TPRG1: variants seen among roughly 807,000 people sequenced by gnomAD.
TPRG1 encodes the protein tumor protein p63 regulated 1, also known as tumor protein p63-regulated gene 1 protein.
TPRG1 carries 29 observed loss-of-function variants against 29.3 expected under a neutral mutation model. The observed-to-expected ratio is 0.99, with a 90% confidence interval of 0.74 to 1.35. The LOEUF is 1.35. Among genes scored for constraint, TPRG1 ranks in the 40% most tolerant of loss-of-function variants. TPRG1 has a pLI of 0.00. For synonymous variants in TPRG1, 130 were observed against 116.8 expected (o/e 1.11, Z -0.73); for missense variants, 327 against 335.0 (o/e 0.98, Z 0.19).
intron 5 of TPRG1, among the ~76,000 whole-genome samples, chr3:189,161,483 A>C (rs1288044715): frequency 2.0e-5 from 3 of 150,776 alleles, no homozygotes; most frequent in African/African-American, 7.4e-5. Context: ...TATTATTATT[A>C]TTCTTGTCCA....
intron 4 of TPRG1, among the ~76,000 whole-genome samples, chr3:189,257,209 A>G (rs1712056649): frequency 6.6e-6 from 1 of 152,208 alleles, no homozygotes; most frequent in Non-Finnish European, 1.5e-5. Context: ...AGTGGTGACA[A>G]AATCTCTCAG....
chr3:189,204,952 CACA>C (rs1296847494), intron 1 of TPRG1, among the ~76,000 whole-genome samples: 6 of 138,248 alleles, frequency 4.3e-5, no homozygotes, highest in Non-Finnish European at 9.4e-5. Flanking sequence ...CTCTCTCACA[CACA>C]CACACACACA....
chr3:189,005,044 A>T (rs721820), intron 3 of TPRG1, among the ~76,000 whole-genome samples: 1 of 152,074 alleles, frequency 6.6e-6, no homozygotes, highest in Admixed American at 6.6e-5. Context: ...TATGGGATCT[A>T]AAAATCAAAA....
Position 189,207,575 on chromosome 3 carries a change from G to A in TPRG1, c.191G>A (p.Arg64Gln), listed in dbSNP as rs143701531. The part of the protein sequence containing the change: ...PNPYHQPYIS[R>Q]KYFATRPGAI... The stretch of plus-strand genomic sequence containing the variant: ...CCTTATCATCAGCCTTATATCTCAC[G>A]GAAGTACTTTGCTACACGGGTAAAT... Residue 64 changes from arginine to glutamine, a missense_variant, in exon 2 of 6, where the codon CGG becomes CAG. Physicochemically the swap from Arg to Gln is conservative, Grantham distance 43. Coordinates refer to ENST00000345063, the MANE Select transcript of TPRG1 (RefSeq NM_198485.4). 292 of 1,611,822 alleles carry A rather than the reference G, an allele frequency of 1.8e-4. No homozygotes were observed. The highest frequency in any genetic ancestry group is 8.2e-4 in the Middle Eastern group (5 of 6,074).
chr3:189,196,447 A>T (rs1262969637), intron 1 of TPRG1, among the ~76,000 whole-genome samples: 1 of 152,226 alleles, frequency 6.6e-6, no homozygotes, highest in East Asian at 1.9e-4. Flanking sequence ...TCACAGTTCC[A>T]CATGGCTGGG....
intron 2 of TPRG1, among the ~76,000 whole-genome samples, chr3:189,208,788 T>A (rs934570134): frequency 1.9e-4 from 29 of 152,082 alleles, no homozygotes; most frequent in African/African-American, 7.0e-4. Flanking sequence ...TCTCTTGGAG[T>A]TGTGCTATCT....
At chr3:189,133,759 C>T (rs541187033) in intron 3 of TPRG1, among the ~76,000 whole-genome samples, 4 of 152,212 alleles carry the variant, frequency 2.6e-5, no homozygotes, top group African/African-American at 4.8e-5. Flanking sequence ...CATTCCATCT[C>T]GAGCTAGACA....
intron 4 of TPRG1, among the ~76,000 whole-genome samples, chr3:189,047,947 T>C (rs1453432904): frequency 6.6e-6 from 1 of 152,210 alleles, no homozygotes; most frequent in African/African-American, 2.4e-5. Flanking sequence ...TCCATGAATG[T>C]TGAAATTAAC....
At chr3:189,010,094 T>C (rs1471189825) in intron 3 of TPRG1, among the ~76,000 whole-genome samples, 1 of 152,162 alleles carries the variant, frequency 6.6e-6, no homozygotes, top group Non-Finnish European at 1.5e-5. Context: ...GGCCTTCAGC[T>C]CCATCCATGT....
intron 1 of TPRG1, among the ~76,000 whole-genome samples, chr3:189,172,793 T>G (rs926933048): frequency 5.3e-5 from 8 of 152,182 alleles, no homozygotes; most frequent in African/African-American, 1.9e-4. Context: ...GAGACAGCGA[T>G]GACTACTTGG....
rs535657902 is a variant in TPRG1, at chr3:189,127,523, C to T, written c.-590+313C>T. 8.5e-5 allele frequency among the ~76,000 whole-genome samples: 13 copies of T among 152,328 alleles called. No homozygotes were observed. In the South Asian group the frequency reaches 1.0e-3, roughly 12 times the overall value. On this transcript the variant is annotated intron_variant, in intron 2 of 6. Transcript: ENST00000412373. Reference sequence around the variant, plus strand: ...TCTCAACTTTCAATTTTGAAAGTCACGTTTGCTTTGGAGATACCGTAGGGC... The same window carrying T: ...TCTCAACTTTCAATTTTGAAAGTCATGTTTGCTTTGGAGATACCGTAGGGC...
chr3:189,131,105 T>G (rs1390509201), intron 2 of TPRG1, among the ~76,000 whole-genome samples: 1 of 152,198 alleles, frequency 6.6e-6, no homozygotes, highest in Non-Finnish European at 1.5e-5. Flanking sequence ...GGCAGCATAA[T>G]TAGTAATAAT....
At chr3:189,026,250 G>GGA (rs1302534604) in intron 4 of TPRG1, among the ~76,000 whole-genome samples, 6 of 152,134 alleles carry the variant, frequency 3.9e-5, no homozygotes, top group Admixed American at 1.3e-4. Context: ...TTTTCTCTGT[G>GGA]GAGAGAGAGA....
At chr3:189,236,175 CAT>C (rs1177814877) in intron 3 of TPRG1, among the ~76,000 whole-genome samples, 1 of 152,156 alleles carries the variant, frequency 6.6e-6, no homozygotes, top group Non-Finnish European at 1.5e-5. Flanking sequence ...ATATTCCTGA[CAT>C]GTAAATTATG....
At chr3:189,268,316 G>T (rs1013181294) in intron 4 of TPRG1, among the ~76,000 whole-genome samples, 1 of 152,148 alleles carries the variant, frequency 6.6e-6, no homozygotes, top group Admixed American at 6.5e-5. Context: ...GGTGGCTGAT[G>T]GGGGATTGCT....
chr3:189,116,673 T>G (rs1314300450), intron 1 of TPRG1, among the ~76,000 whole-genome samples: 1 of 152,144 alleles, frequency 6.6e-6, no homozygotes, highest in African/African-American at 2.4e-5. Context: ...CTAAGTGAAA[T>G]AAGCCAGTCA....
intron 1 of TPRG1, among the ~76,000 whole-genome samples, chr3:189,172,622 G>C (rs1218934351): frequency 6.6e-6 from 1 of 152,192 alleles, no homozygotes; most frequent in Non-Finnish European, 1.5e-5. Flanking sequence ...CAAACAAAAG[G>C]TGATTATTTC....
intron 1 of TPRG1, among the ~76,000 whole-genome samples, chr3:189,100,791 A>G (rs1476717445): frequency 2.0e-5 from 3 of 152,204 alleles, no homozygotes; most frequent in African/African-American, 7.2e-5. Context: ...GGTTGGCCCC[A>G]CCAAGAGAAA....
chr3:189,048,578 C>T (rs1451457539), intron 4 of TPRG1, among the ~76,000 whole-genome samples: 1 of 152,102 alleles, frequency 6.6e-6, no homozygotes, highest in Non-Finnish European at 1.5e-5. Context: ...GCATCTTTTT[C>T]CAATAGAAGG....
Sources: gnomAD v4.1 joint callset for allele counts (sites outside exome capture counted in the v4.1 genomes callset) on GRCh38, gnomAD v4.1.1 for gene constraint, MANE v1.5 for transcripts, NCBI Gene and HGNC (gene_info 2026-07-23, HGNC 2026-07-21) for gene names.